Variants in ROR2 observed in about 807,000 individuals in gnomAD.
ROR2 encodes ROR family WNT receptor 2, also known as tyrosine-protein kinase transmembrane receptor ROR2.
A neutral mutation model predicts 74.9 loss-of-function variants in ROR2; 33 were observed. The ratio of observed to expected loss-of-function variants is 0.44; its 90% confidence interval spans 0.33 to 0.59. The LOEUF (loss-of-function observed/expected upper bound fraction) is 0.59. Ranked by LOEUF, ROR2 falls within the 20% of genes least tolerant of loss-of-function variation. The probability of loss-of-function intolerance (pLI) is 0.02; values close to 1 mark genes in which losing one functional copy is unlikely to be tolerated. For synonymous variants in ROR2, 586 were observed against 558.7 expected (o/e 1.05, Z -0.69); for missense variants, 1,216 against 1,313.8 (o/e 0.93, Z 1.15).
intron 2 of ROR2, among the ~76,000 whole-genome samples, chr9:91,773,063 T>G (rs1423769334): frequency 6.6e-6 from 1 of 152,162 alleles, no homozygotes; most frequent in East Asian, 1.9e-4. Flanking sequence ...CTCGCAGGGT[T>G]ATTTGTGATC....
intron 1 of ROR2, among the ~76,000 whole-genome samples, chr9:91,780,066 T>G (rs1164730708): frequency 6.6e-6 from 1 of 152,138 alleles, no homozygotes; most frequent in Non-Finnish European, 1.5e-5. Context: ...AGGCCTGCAA[T>G]AGCTGGAGGT....
intron 1 of ROR2, among the ~76,000 whole-genome samples, chr9:91,932,275 T>C (rs922463604): frequency 1.3e-5 from 2 of 152,204 alleles, no homozygotes; most frequent in South Asian, 2.1e-4. Flanking sequence ...GGGATTCTAA[T>C]ATATGTCTCA....
intron 1 of ROR2, among the ~76,000 whole-genome samples, chr9:91,869,671 G>A (rs1242573421): frequency 3.3e-5 from 5 of 152,116 alleles, no homozygotes; most frequent in Admixed American, 6.6e-5. Context: ...CGTGGGTGGA[G>A]GTAAAGGCAA....
intron 2 of ROR2, among the ~76,000 whole-genome samples, chr9:91,772,705 A>T (rs1826273992): frequency 6.6e-6 from 1 of 152,200 alleles, no homozygotes; most frequent in South Asian, 2.1e-4. Context: ...CAAACTCTGT[A>T]ATCAATCAAC....
At chr9:91,929,152 C>A (rs1218153800) in intron 1 of ROR2, among the ~76,000 whole-genome samples, 1 of 152,186 alleles carries the variant, frequency 6.6e-6, no homozygotes, top group East Asian at 1.9e-4. Context: ...CTAACACAGT[C>A]CCCAAAATAA....
intron 1 of ROR2, among the ~76,000 whole-genome samples, chr9:91,847,114 G>A (rs940580935): frequency 2.0e-5 from 3 of 152,158 alleles, no homozygotes; most frequent in Admixed American, 2.0e-4. Flanking sequence ...TACAAGGAGG[G>A]AATGTGGGCT....
chr9:91,840,079 A>G (rs1319544706), intron 1 of ROR2, among the ~76,000 whole-genome samples: 1 of 151,986 alleles, frequency 6.6e-6, no homozygotes, highest in Non-Finnish European at 1.5e-5. Context: ...TGCCCGGGAA[A>G]TGCCCACTTC....
At chr9:91,851,078 C>T (rs369816430) in intron 1 of ROR2, among the ~76,000 whole-genome samples, 4 of 152,098 alleles carry the variant, frequency 2.6e-5, no homozygotes, top group Non-Finnish European at 4.4e-5. Context: ...TCCGGCCGGG[C>T]GCGGTGGCTC....
At chr9:91,947,711 CAG>C (rs747460445) in intron 1 of ROR2, among the ~76,000 whole-genome samples, 9 of 152,150 alleles carry the variant, frequency 5.9e-5, no homozygotes, top group Non-Finnish European at 1.0e-4. Flanking sequence ...TCAGAGGAAA[CAG>C]AGTCTTGCTA....
intron 1 of ROR2, among the ~76,000 whole-genome samples, chr9:91,906,508 T>C (rs557203643): frequency 6.6e-6 from 1 of 152,300 alleles, no homozygotes; most frequent in African/African-American, 2.4e-5. Flanking sequence ...GCCAAGGGTC[T>C]TCTGCAAGCA....
chr9:91,917,169 G>T (rs147048332), intron 1 of ROR2, among the ~76,000 whole-genome samples: 17 of 152,220 alleles, frequency 1.1e-4, no homozygotes, highest in African/African-American at 4.1e-4. Flanking sequence ...TTTTTGGTCT[G>T]GCATGAATTT....
intron 1 of ROR2, among the ~76,000 whole-genome samples, chr9:91,782,550 C>T (rs149428133): frequency 3.1e-5 from 4 of 129,562 alleles, no homozygotes; most frequent in Admixed American, 2.7e-4. Context: ...TTGGGCCACA[C>T]GTAAAATATA....
At chr9:91,828,542 G>A (rs149548577) in intron 1 of ROR2, among the ~76,000 whole-genome samples, 23 of 151,956 alleles carry the variant, frequency 1.5e-4, no homozygotes, top group East Asian at 1.2e-3. Context: ...GGCAAAACCC[G>A]ATCTCCACTA....
intron 1 of ROR2, among the ~76,000 whole-genome samples, chr9:91,833,539 C>T (rs573549143): frequency 1.3e-5 from 2 of 152,306 alleles, no homozygotes; most frequent in African/African-American, 2.4e-5. Context: ...ACGCCAGAGC[C>T]GTGCCCCCCA....
Position 91,866,417 on chromosome 9 carries a change from CTT to C in ROR2, c.97+83448_97+83449del, listed in dbSNP as rs59024037. Among the ~76,000 whole-genome samples, 245 of 103,824 alleles carry C rather than the reference CTT, an allele frequency of 2.4e-3. 1 individual carries two copies. Among genetic ancestry groups the C allele is most frequent in the East Asian group, 8.7e-3 (30 of 3,438 alleles). The allele number at this position is 103,824 out of a possible 152,430, so 68.1% of individuals were successfully genotyped here. ...ACAGGCATAAGCCACCACGCCCAGTCTTTTTTTTTTTTTTTTTTTTTTGAGAC... is the reference window on the plus strand; with the variant it reads ...ACAGGCATAAGCCACCACGCCCAGTCTTTTTTTTTTTTTTTTTTTTGAGAC... On this transcript the variant is annotated intron_variant, in intron 1 of 8. Transcript: ENST00000375708.
chr9:91,932,235 A>T (rs939947315), intron 1 of ROR2, among the ~76,000 whole-genome samples: 2 of 152,258 alleles, frequency 1.3e-5, no homozygotes, highest in South Asian at 2.1e-4. Context: ...AAACAGCATA[A>T]TTTTTTAAAA....
chr9:91,847,229 A>G (rs1828959984), intron 1 of ROR2, among the ~76,000 whole-genome samples: 1 of 152,146 alleles, frequency 6.6e-6, no homozygotes, highest in South Asian at 2.1e-4. Flanking sequence ...GCACAGACAG[A>G]CTTAGAACCA....
intron 1 of ROR2, among the ~76,000 whole-genome samples, chr9:91,938,302 T>A (rs72746290): frequency 0.24 from 36,592 of 151,032 alleles, 4,688 homozygotes; most frequent in Non-Finnish European, 0.28. Flanking sequence ...CTTACAAAAA[T>A]TTTTTTTTTA....
At chr9:91,885,319 G>A (rs901993688) in intron 1 of ROR2, among the ~76,000 whole-genome samples, 7 of 151,524 alleles carry the variant, frequency 4.6e-5, no homozygotes, top group Admixed American at 4.6e-4. Context: ...GTTGGGGGGC[G>A]GTAGGGCAGG....
Sources: allele counts gnomAD v4.1 joint callset (sites outside exome capture counted in the v4.1 genomes callset), GRCh38; gene constraint gnomAD v4.1.1; transcripts MANE v1.5; gene names NCBI Gene and HGNC (gene_info 2026-07-23, HGNC 2026-07-21).